The following DPYD variants were observed in gnomAD, a reference collection of about 807,000 sequenced individuals.
DPYD encodes the protein dihydropyrimidine dehydrogenase.
DPYD carries 109 observed loss-of-function variants against 116.2 expected under a neutral mutation model. That is an observed-to-expected ratio of 0.94 (90% CI 0.80 to 1.10). The LOEUF is 1.10. Among genes scored for constraint, DPYD ranks in the 50% least tolerant of loss-of-function variants. DPYD has a pLI of 0.00. For synonymous variants in DPYD, 440 were observed against 432.0 expected (o/e 1.02, Z -0.23); for missense variants, 1,302 against 1,254.5 (o/e 1.04, Z -0.57).
chr1:97,729,154 T>C (rs1160478071), intron 4 of DPYD, among the ~76,000 whole-genome samples: 1 of 152,130 alleles, frequency 6.6e-6, no homozygotes, highest in Non-Finnish European at 1.5e-5. Context: ...ATAACGTTTT[T>C]ATTGATCCTG....
intron 5 of DPYD, among the ~76,000 whole-genome samples, chr1:97,707,681 CA>C: frequency 6.6e-6 from 1 of 152,028 alleles, no homozygotes; most frequent in East Asian, 1.9e-4. Flanking sequence ...TTTGTTGTAG[CA>C]AACTGAGCAG....
intron 3 of DPYD, among the ~76,000 whole-genome samples, chr1:97,788,638 A>T (rs1667165883): frequency 6.6e-6 from 1 of 152,186 alleles, no homozygotes. Flanking sequence ...TTGATAACTA[A>T]CATGAAGTGA....
At chr1:97,558,303 A>G (rs1384348243) in intron 11 of DPYD, among the ~76,000 whole-genome samples, 1 of 152,106 alleles carries the variant, frequency 6.6e-6, no homozygotes, top group Non-Finnish European at 1.5e-5. Context: ...TCCCCCCAGC[A>G]TCTAGCATAT....
chr1:97,371,263 T>C (rs74384723), intron 16 of DPYD, among the ~76,000 whole-genome samples: 6,850 of 152,248 alleles, frequency 0.045, 263 homozygotes, highest in East Asian at 0.17. Context: ...CAGATAAATA[T>C]TTTAGCCATG....
chr1:97,130,576 T>C (rs544252149), intron 20 of DPYD, among the ~76,000 whole-genome samples: 37 of 152,260 alleles, frequency 2.4e-4, no homozygotes, highest in Non-Finnish European at 4.3e-4. Flanking sequence ...TACACATAGA[T>C]ACTAACTCTA....
At chr1:97,550,993 C>T (rs1323775038) in intron 11 of DPYD, among the ~76,000 whole-genome samples, 1 of 151,914 alleles carries the variant, frequency 6.6e-6, no homozygotes, top group Non-Finnish European at 1.5e-5. Context: ...GTGTTTTTCC[C>T]ACAAGATCAT....
chr1:97,917,102 A>G (rs948580093), intron 1 of DPYD, among the ~76,000 whole-genome samples: 1 of 152,238 alleles, frequency 6.6e-6, no homozygotes, highest in Non-Finnish European at 1.5e-5. Context: ...AAAAAGTTAA[A>G]GCTTTAAAAG....
At chr1:97,373,143 A>G (rs1671393153) in intron 16 of DPYD, among the ~76,000 whole-genome samples, 1 of 152,192 alleles carries the variant, frequency 6.6e-6, no homozygotes, top group South Asian at 2.1e-4. Context: ...ATCGTATGCT[A>G]AAAAATGTAA....
At chr1:97,403,450 T>C (rs116620462) in intron 14 of DPYD, among the ~76,000 whole-genome samples, 1,792 of 152,180 alleles carry the variant, frequency 0.012, 10 homozygotes, top group Non-Finnish European at 0.018. Context: ...TCTGGGTCTT[T>C]TGCTTTGTTT....
At chr1:97,374,383 G>T (rs1671479914) in intron 15 of DPYD, among the ~76,000 whole-genome samples, 1 of 152,076 alleles carries the variant, frequency 6.6e-6, no homozygotes, top group Non-Finnish European at 1.5e-5. Flanking sequence ...GAATTCGTGG[G>T]AAGTCTTCTG....
chr1:97,569,250 GAGA>G (rs1179447704), intron 11 of DPYD, among the ~76,000 whole-genome samples: 1 of 151,652 alleles, frequency 6.6e-6, no homozygotes, highest in East Asian at 1.9e-4. Context: ...CAACAAGAAA[GAGA>G]AGGAGAGATA....
At chr1:97,871,239 A>G (rs1280759641) in intron 2 of DPYD, among the ~76,000 whole-genome samples, 1 of 151,944 alleles carries the variant, frequency 6.6e-6, no homozygotes, top group East Asian at 1.9e-4. Flanking sequence ...CCAGTTTAAT[A>G]TTTATGATTA....
At chr1:97,581,121 C>T (rs1014094915) in intron 10 of DPYD, among the ~76,000 whole-genome samples, 7 of 151,514 alleles carry the variant, frequency 4.6e-5, no homozygotes, top group South Asian at 2.1e-4. Context: ...CTGGCTAGCA[C>T]GGTGAAACCC....
chr1:97,452,650 A>G (rs1387688418), intron 13 of DPYD, among the ~76,000 whole-genome samples: 1 of 152,096 alleles, frequency 6.6e-6, no homozygotes, highest in Non-Finnish European at 1.5e-5. Context: ...TAAATGGTTT[A>G]GTATCATCCT....
intron 18 of DPYD, among the ~76,000 whole-genome samples, chr1:97,287,214 A>G (rs976506483): frequency 6.6e-6 from 1 of 152,166 alleles, no homozygotes; most frequent in African/African-American, 2.4e-5. Context: ...TTGCCTGGGT[A>G]TCAGCAGCGG....
chr1:97,266,984 A>G (rs1233308502), intron 18 of DPYD, among the ~76,000 whole-genome samples: 1 of 152,178 alleles, frequency 6.6e-6, no homozygotes, highest in Non-Finnish European at 1.5e-5. Context: ...GTGCTGCAAT[A>G]AACATACAGG....
chr1:97,530,200 ATTTCTTTT>A (rs1183955744), intron 12 of DPYD, among the ~76,000 whole-genome samples: 3 of 115,800 alleles, frequency 2.6e-5, no homozygotes. Context: ...ATACATCAGA[ATTTCTTTT>A]TTTTTCTTTT....
At chr1:97,531,009 T>C (rs368348311) in intron 12 of DPYD, among the ~76,000 whole-genome samples, 5,434 of 152,286 alleles carry the variant, frequency 0.036, 323 homozygotes, top group African/African-American at 0.12. Context: ...TTATATTTTT[T>C]GGAAATTAAC....
chr1:97,370,950 C>T (rs1671282037), intron 16 of DPYD, among the ~76,000 whole-genome samples: 1 of 152,066 alleles, frequency 6.6e-6, no homozygotes, highest in Non-Finnish European at 1.5e-5. Flanking sequence ...ATTCTGTTTC[C>T]ATAAATTTCA....
Sources: gnomAD v4.1 joint callset for allele counts (sites outside exome capture counted in the v4.1 genomes callset) on GRCh38, gnomAD v4.1.1 for gene constraint, MANE v1.5 for transcripts, NCBI Gene and HGNC (gene_info 2026-07-23, HGNC 2026-07-21) for gene names.